SEPTIN14: variants seen among roughly 807,000 people sequenced by gnomAD.
SEPTIN14 encodes septin-14.
A neutral mutation model predicts 53.6 loss-of-function variants in SEPTIN14; 40 were observed. That is an observed-to-expected ratio of 0.75 (90% CI 0.58 to 0.97). SEPTIN14 has a LOEUF of 0.97. Ranked by LOEUF, SEPTIN14 falls within the 50% of genes least tolerant of loss-of-function variation. The pLI, the probability that SEPTIN14 is intolerant of heterozygous loss-of-function variation, is 0.00. For missense variants in SEPTIN14, 471 were observed against 508.2 expected, an observed-to-expected ratio of 0.93 and a Z score of 0.70; for synonymous variants, 138 against 166.8, an observed-to-expected ratio of 0.83 and a Z score of 1.33.
intron 6 of SEPTIN14, among the ~76,000 whole-genome samples, chr7:55,830,350 T>TATATA (rs1554330088): frequency 1.4e-4 from 2 of 14,620 alleles, no homozygotes; most frequent in Admixed American, 6.2e-4. Context: ...TATATATATA[T>TATATA]TTTTTTTTTT....
chr7:55,826,657 T>G (rs956353382), intron 6 of SEPTIN14, among the ~76,000 whole-genome samples: 1 of 151,688 alleles, frequency 6.6e-6, no homozygotes, highest in Non-Finnish European at 1.5e-5. Context: ...AATTAGCCAA[T>G]GTGATATAGG....
chr7:55,810,195 C>A (rs1788677002), intron 7 of SEPTIN14, among the ~76,000 whole-genome samples: 1 of 150,090 alleles, frequency 6.7e-6, no homozygotes, highest in Non-Finnish European at 1.5e-5. Context: ...GTTTAATTCG[C>A]ATTTTCCTGA....
rs2116031975 is a variant in SEPTIN14, at chr7:55,834,597, A to G, written c.559-11T>C. On this transcript the variant is annotated splice_polypyrimidine_tract_variant and intron_variant, in intron 5 of 9. Coordinates refer to ENST00000388975, the MANE Select transcript of SEPTIN14 (RefSeq NM_207366.3). ...TGGTATAATATTCACCTATGAAGAA[A>G]GAAGACAAACAAAATCTCATCATTG... The G allele has an allele frequency of 1.3e-6, 2 of 1,575,428 alleles. No homozygotes were observed. The highest frequency in any genetic ancestry group is 4.5e-5 in the East Asian group (2 of 44,264).
At chr7:55,845,769 G>A (rs1002757164) in intron 3 of SEPTIN14, among the ~76,000 whole-genome samples, 2 of 151,736 alleles carry the variant, frequency 1.3e-5, no homozygotes, top group South Asian at 2.1e-4. Context: ...TACATGCTAG[G>A]CCGGGTGCGG....
chr7:55,839,574 A>G (rs55860276), intron 5 of SEPTIN14, among the ~76,000 whole-genome samples: 33,933 of 151,980 alleles, frequency 0.22, 4,398 homozygotes, highest in Middle Eastern at 0.31. Context: ...TTATAAATAA[A>G]TCTTTATGAT....
Position 55,807,220 on chromosome 7 carries a change from C to T in SEPTIN14, c.856G>A (p.Asp286Asn). 2 of 1,595,014 alleles carry T rather than the reference C, an allele frequency of 1.3e-6. No individual in the cohort carries two copies. Among genetic ancestry groups the T allele is most frequent in the Non-Finnish European group, 1.7e-6 (2 of 1,174,486 alleles). ...TCCATATTGGTACAAAGAAGCATAT[C>T]TCGGAGCTTAACGAAGTCACAGTGA... is the stretch of plus-strand genomic sequence containing the variant. ...ENHCDFVKLRDMLLCTNMENL... is the reference protein window; with the variant it reads ...ENHCDFVKLRNMLLCTNMENL... The change falls in exon 8 of 10, where the codon GAT (aspartate) becomes AAT (asparagine). Residue 286 changes from aspartate (D) to asparagine (N), a missense_variant. By Grantham distance (23) the Asp-to-Asn change is conservative. Transcript: ENST00000388975.
Position 55,794,443 on chromosome 7 carries a change from G to A in SEPTIN14, c.*1470C>T, listed in dbSNP as rs1450403341. 2 of 152,082 alleles carry A rather than the reference G, an allele frequency of 1.3e-5. No homozygotes were observed. The highest frequency in any genetic ancestry group is 2.4e-5 in the African/African-American group (1 of 41,418). 9.4% of individuals were successfully genotyped at this position (152,082 alleles called of 1,614,324 possible). ...CATATGGCATAGCTAATGTACTATTGCTGGGTCCATTTATTCAATGAATAA... is the reference window on the plus strand; with the variant it reads ...CATATGGCATAGCTAATGTACTATTACTGGGTCCATTTATTCAATGAATAA... On this transcript the variant is annotated 3_prime_UTR_variant, in exon 10 of 10. Transcript: ENST00000388975.
chr7:55,843,109 A>C lies in SEPTIN14; in HGVS notation c.391T>G (p.Tyr131Asp). The C allele has an allele frequency of 6.3e-7, 1 of 1,588,978 alleles. No homozygotes were observed. The highest frequency in any genetic ancestry group is 8.5e-7 in the Non-Finnish European group (1 of 1,172,460). ...TAGGCCTCAAATTGGGCATCTATGTAGTCAACTATTGGTTGGTAGCTAAAA... is the reference window on the plus strand; with the variant it reads ...TAGGCCTCAAATTGGGCATCTATGTCGTCAACTATTGGTTGGTAGCTAAAA... ...KEASYQPIVD[Y>D]IDAQFEAYLQ... The change falls in exon 5 of 10, where the codon TAC becomes GAC. Residue 131 changes from tyrosine (Y) to aspartate (D), a missense_variant. By Grantham distance (160) the Tyr-to-Asp change is radical (BLOSUM62 -3). Transcript: ENST00000388975.
intron 7 of SEPTIN14, among the ~76,000 whole-genome samples, chr7:55,817,259 G>GA (rs1169400331): frequency 6.6e-6 from 1 of 152,034 alleles, no homozygotes; most frequent in African/African-American, 2.4e-5. Flanking sequence ...AACACAGAAA[G>GA]ACAAATGGTA....
intron 7 of SEPTIN14, chr7:55,810,842 C>T (rs936577974): frequency 1.1e-4 from 34 of 300,292 alleles, no homozygotes; most frequent in African/African-American, 6.9e-4. Context: ...TGAAGACCCT[C>T]GAGTCAAACC....
In SEPTIN14 at chr7:55,834,784, A is replaced by C. The variant is rs546465406; in HGVS notation, c.559-198T>G. 5.9e-5 allele frequency among the ~76,000 whole-genome samples: 9 copies of C among 152,264 alleles called. 1 individual carries two copies. In the South Asian group the frequency reaches 1.0e-3, roughly 18 times the overall value. On this transcript the variant is annotated intron_variant, in intron 5 of 9. Coordinates refer to ENST00000388975, the MANE Select transcript of SEPTIN14 (RefSeq NM_207366.3). ...CAGCCTCCCGAGTAGCTGGGACCAC[A>C]GGCACCCGCCACCACGCCCGGCTAA...
chr7:55,834,628 C>T, intron 5 of SEPTIN14, 42 bp from the exon 6 acceptor site: 1 of 1,513,320 alleles, frequency 6.6e-7, no homozygotes, highest in Non-Finnish European at 8.9e-7. Context: ...CATTGTTCAT[C>T]TCACAGTTTT....
intron 2 of SEPTIN14, among the ~76,000 whole-genome samples, chr7:55,854,394 G>C (rs1789571322): frequency 6.6e-6 from 1 of 151,220 alleles, no homozygotes; most frequent in African/African-American, 2.4e-5. Context: ...AAATAAAGCA[G>C]AGATGTCAGC....
chr7:55,800,481 G>T (rs975994118), intron 9 of SEPTIN14, among the ~76,000 whole-genome samples: 10 of 152,088 alleles, frequency 6.6e-5, no homozygotes, highest in African/African-American at 2.4e-4. Flanking sequence ...AAAATTAGCT[G>T]GGTGTGGTGG....
chr7:55,836,013 T>A (rs1202598883), intron 5 of SEPTIN14, among the ~76,000 whole-genome samples: 2 of 152,144 alleles, frequency 1.3e-5, no homozygotes, highest in Non-Finnish European at 2.9e-5. Flanking sequence ...AGTGTTGGGA[T>A]TATAGGCATG....
At chr7:55,857,819 C>T (rs1789671001) in intron 2 of SEPTIN14, among the ~76,000 whole-genome samples, 1 of 150,918 alleles carries the variant, frequency 6.6e-6, no homozygotes. Context: ...GATCTCCTGA[C>T]CTCGTGATCC....
chr7:55,826,961 C>T (rs918002358), intron 6 of SEPTIN14, among the ~76,000 whole-genome samples: 1 of 152,166 alleles, frequency 6.6e-6, no homozygotes, highest in African/African-American at 2.4e-5. Context: ...CCTGCCCCTG[C>T]CTAAGTTTTC....
intron 2 of SEPTIN14, among the ~76,000 whole-genome samples, chr7:55,850,074 A>G (rs1789493235): frequency 1.3e-5 from 2 of 152,234 alleles, no homozygotes; most frequent in Non-Finnish European, 2.9e-5. Flanking sequence ...ATTGAATTCT[A>G]TCAACAAGCA....
intron 2 of SEPTIN14, among the ~76,000 whole-genome samples, chr7:55,854,618 A>AC (rs1789578980): frequency 3.4e-5 from 5 of 147,994 alleles, no homozygotes; most frequent in Admixed American, 1.4e-4. Flanking sequence ...TTTAGTAGAG[A>AC]TGGGTTTCAC....
Sources: allele counts gnomAD v4.1 joint callset (sites outside exome capture counted in the v4.1 genomes callset), GRCh38; gene constraint gnomAD v4.1.1; transcripts MANE v1.5; gene names NCBI Gene and HGNC (gene_info 2026-07-23, HGNC 2026-07-21).